IRAK3: variants seen among roughly 807,000 people sequenced by gnomAD.
IRAK3 encodes interleukin-1 receptor-associated kinase 3.
A neutral mutation model predicts 56.6 loss-of-function variants in IRAK3; 57 were observed. The observed-to-expected ratio is 1.01, with a 90% CI of 0.81 to 1.26. IRAK3 has a LOEUF of 1.26. IRAK3 is among the 50% of genes most tolerant of loss of function. The probability of loss-of-function intolerance (pLI) is 0.00; values close to 1 mark genes in which losing one functional copy is unlikely to be tolerated. For missense variants in IRAK3, 703 were observed against 719.0 expected (o/e 0.98, Z 0.25); for synonymous variants, 258 against 255.7 (o/e 1.01, Z -0.09).
intron 1 of IRAK3, among the ~76,000 whole-genome samples, chr12:66,200,739 T>C (rs936322682): frequency 6.6e-6 from 1 of 152,202 alleles, no homozygotes; most frequent in Non-Finnish European, 1.5e-5. Flanking sequence ...TTCTGCTGGC[T>C]TGATTTCAAA....
chr12:66,226,831 G>A lies in IRAK3; in HGVS notation c.762G>A (p.Gln254=). The part of the protein sequence containing the change: ...MRNGTLFDRL[Q]CVGDTAPLPW... ...ATGGAACACTTTTTGACAGATTGCA[G>A]TGTGTAGTAAGTTCTATCTATTATT... Residue 254 remains glutamine (Q), a synonymous_variant, in exon 7 of 12, where the codon CAG becomes CAA. Transcript: ENST00000261233. 1 of 1,536,348 alleles carries A rather than the reference G, an allele frequency of 6.5e-7. No homozygotes were observed. Among genetic ancestry groups the A allele is most frequent in the South Asian group, 1.1e-5 (1 of 89,456 alleles).
At chr12:66,227,530 G>C (rs1346541054) in intron 7 of IRAK3, among the ~76,000 whole-genome samples, 1 of 152,070 alleles carries the variant, frequency 6.6e-6, no homozygotes, top group Non-Finnish European at 1.5e-5. Flanking sequence ...AGTGAGCCGA[G>C]ATTGCACCAT....
chr12:66,209,886 G>T (rs1358900326), intron 3 of IRAK3, among the ~76,000 whole-genome samples: 1 of 152,084 alleles, frequency 6.6e-6, no homozygotes, highest in Non-Finnish European at 1.5e-5. Context: ...CATTTTTATA[G>T]CATTAAAAGT....
intron 5 of IRAK3, 144 bp from the exon 6 acceptor site, chr12:66,217,027 G>A: frequency 1.4e-6 from 1 of 707,772 alleles, no homozygotes; most frequent in Non-Finnish European, 2.6e-6. Context: ...TCTGTTGAAA[G>A]CTAAATGTCA....
intron 2 of IRAK3, among the ~76,000 whole-genome samples, chr12:66,206,047 A>G (rs1172648631): frequency 6.6e-6 from 1 of 152,154 alleles, no homozygotes; most frequent in African/African-American, 2.4e-5. Flanking sequence ...TCCAGTTTTG[A>G]CACAAAATTC....
intron 8 of IRAK3, chr12:66,234,681 A>G (rs1387261062): frequency 1.5e-5 from 24 of 1,609,654 alleles, no homozygotes; most frequent in Non-Finnish European, 1.7e-6. Flanking sequence ...GTCTTAATAA[A>G]TTTTCCATTA....
At chr12:66,247,551 T>G in intron 11 of IRAK3, 144 bp from the exon 12 acceptor site, 2 of 648,484 alleles carry the variant, frequency 3.1e-6, no homozygotes, top group South Asian at 3.8e-5. Context: ...TTAGCTAATC[T>G]TTAAGATCCC....
intron 4 of IRAK3, among the ~76,000 whole-genome samples, chr12:66,210,805 T>C (rs2052603789): frequency 6.6e-6 from 1 of 152,178 alleles, no homozygotes; most frequent in African/African-American, 2.4e-5. Flanking sequence ...AAGGTCTAAA[T>C]CAAACATTAA....
chr12:66,195,602 G>C (rs529827789), intron 1 of IRAK3, among the ~76,000 whole-genome samples: 2 of 152,158 alleles, frequency 1.3e-5, no homozygotes, highest in South Asian at 2.1e-4. Context: ...CTGTAGGCTT[G>C]CTTCTTCACT....
chr12:66,237,205 G>C (rs142385859), intron 8 of IRAK3, among the ~76,000 whole-genome samples: 1 of 152,090 alleles, frequency 6.6e-6, no homozygotes, highest in East Asian at 1.9e-4. Context: ...GAGGAAGTGA[G>C]GTGATAGACT....
chr12:66,244,406 A>C, intron 8 of IRAK3, 80 bp from the exon 9 acceptor site: 7 of 978,048 alleles, frequency 7.2e-6, no homozygotes, highest in Non-Finnish European at 1.2e-5. Context: ...GATATGAAGA[A>C]GGTGAGTTTA....
At chr12:66,225,240 C>T (rs1209315324) in intron 6 of IRAK3, among the ~76,000 whole-genome samples, 1 of 152,122 alleles carries the variant, frequency 6.6e-6, no homozygotes, top group Non-Finnish European at 1.5e-5. Flanking sequence ...CTGTGAAATA[C>T]ACTACCTCAA....
intron 6 of IRAK3, among the ~76,000 whole-genome samples, chr12:66,224,116 G>C (rs765468707): frequency 6.6e-6 from 1 of 151,950 alleles, no homozygotes; most frequent in Non-Finnish European, 1.5e-5. Flanking sequence ...TTTTTATTTT[G>C]CTAATATTTA....
At chr12:66,191,292 T>G (rs577118743) in intron 1 of IRAK3, among the ~76,000 whole-genome samples, 2 of 152,100 alleles carry the variant, frequency 1.3e-5, no homozygotes, top group African/African-American at 2.4e-5. Context: ...CAGTAATTAT[T>G]CAAGTCCTGG....
At chr12:66,203,453 G>T (rs1316159912) in intron 1 of IRAK3, among the ~76,000 whole-genome samples, 1 of 152,104 alleles carries the variant, frequency 6.6e-6, no homozygotes, top group Non-Finnish European at 1.5e-5. Context: ...ACAGAAAAGA[G>T]GCATTAGTGG....
chr12:66,226,689 A>C (rs761277355), intron 6 of IRAK3, 34 bp from the exon 7 acceptor site: 1 of 1,252,926 alleles, frequency 8.0e-7, no homozygotes, highest in Non-Finnish European at 1.2e-6. Context: ...CTGAATAAGC[A>C]ATTTGATGGC....
chr12:66,231,547 G>A (rs1315881497), intron 8 of IRAK3, among the ~76,000 whole-genome samples: 2 of 152,184 alleles, frequency 1.3e-5, no homozygotes, highest in Non-Finnish European at 2.9e-5. Flanking sequence ...GTAGTGCAAT[G>A]GTAACTATGC....
intron 1 of IRAK3, chr12:66,197,859 C>T (rs992466907): frequency 1.7e-5 from 17 of 984,814 alleles, no homozygotes; most frequent in East Asian, 1.1e-4. Flanking sequence ...AGTCACAGGA[C>T]GGGACATCCC....
Position 66,211,476 on chromosome 12 carries a change from A to G in IRAK3, c.467A>G (p.Gln156Arg). The change falls in exon 5 of 12, where the codon CAA becomes CGA. Residue 156 changes from glutamine to arginine, a missense_variant. By Grantham distance (43) the Gln-to-Arg change is conservative. Transcript: ENST00000261233. ...GILLKSSISFQNIIEGTRNFH... is the reference protein window; with the variant it reads ...GILLKSSISFRNIIEGTRNFH... ...CTGCTTAAATCTTCCATCAGCTTTC[A>G]AAATATCATAGAAGGAACTAGAAAT... The G allele has an allele frequency of 6.2e-7, 1 of 1,601,916 alleles. No homozygotes were observed. Among genetic ancestry groups the G allele is most frequent in the Non-Finnish European group, 8.6e-7 (1 of 1,168,716 alleles).
Sources: allele counts gnomAD v4.1 joint callset (sites outside exome capture counted in the v4.1 genomes callset), GRCh38; gene constraint gnomAD v4.1.1; transcripts MANE v1.5; gene names NCBI Gene and HGNC (gene_info 2026-07-23, HGNC 2026-07-21).